Variants in LARP4B observed in about 807,000 individuals in gnomAD.
LARP4B encodes the protein La ribonucleoprotein 4B.
Under a neutral mutation model 89.8 loss-of-function variants are expected in LARP4B, and 12 were observed. The ratio of observed to expected loss-of-function variants is 0.13; its 90% confidence interval spans 0.09 to 0.22. The LOEUF is 0.22. LARP4B is among the 10% of genes least tolerant of loss of function. The pLI, the probability that LARP4B is intolerant of heterozygous loss-of-function variation, is 1.00. For missense variants in LARP4B, 757 were observed against 947.7 expected (o/e 0.80, Z 2.64); for synonymous variants, 367 against 363.3 (o/e 1.01, Z -0.12).
chr10:842,965 T>C lies in LARP4B; in HGVS notation c.613A>G (p.Thr205Ala), dbSNP rs1280184572. The part of the protein sequence containing the change: ...ANLDHIKKLS[T>A]DVDLIVEVLR... Reference sequence around the variant, plus strand: ...ACTTCCACAATCAAGTCCACATCAGTGCTGAGCTTCTTGATGTGGTCGAGG... The same window carrying C: ...ACTTCCACAATCAAGTCCACATCAGCGCTGAGCTTCTTGATGTGGTCGAGG... Residue 205 changes from threonine to alanine, a missense_variant, in exon 7 of 18, where the codon ACT (threonine) becomes GCT (alanine). Around this residue, in one of 5 missense-constraint regions of LARP4B, gnomAD observed 54 missense variants for 96.0 expected, o/e 0.56. Transcript: ENST00000316157. 2 of 1,614,158 alleles carry C rather than the reference T, an allele frequency of 1.2e-6. No individual in the cohort carries two copies. Among genetic ancestry groups the C allele is most frequent in the African/African-American group, 2.7e-5 (2 of 75,068 alleles).
chr10:935,105 T>G (rs1229995950), upstream of LARP4B, among the ~76,000 whole-genome samples: 1 of 152,280 alleles, frequency 6.6e-6, no homozygotes, highest in East Asian at 1.9e-4. Context: ...TCCTAAGACA[T>G]CCTTACCTTC....
At chr10:825,705 C>T (rs766929556) in intron 12 of LARP4B, 59 bp downstream of exon 12, 48 of 1,148,360 alleles carry the variant, frequency 4.2e-5, no homozygotes, top group Non-Finnish European at 5.9e-5. Flanking sequence ...TCTCTCATCC[C>T]AACTCCGGAA....
the LARP4B span, among the ~76,000 whole-genome samples, chr10:968,453 C>T: frequency 3.3e-5 from 5 of 152,198 alleles, no homozygotes; most frequent in South Asian, 4.1e-4. Context: ...CCTCATTCCA[C>T]GGCCTTCCCT....
At chr10:927,543 T>TAA (rs1366407897) in intron 1 of LARP4B, among the ~76,000 whole-genome samples, 5 of 152,174 alleles carry the variant, frequency 3.3e-5, no homozygotes, top group African/African-American at 1.2e-4. Flanking sequence ...TCAACCAGCA[T>TAA]AAGAGCAAAA....
the LARP4B span, among the ~76,000 whole-genome samples, chr10:959,158 G>A: frequency 6.6e-6 from 1 of 152,168 alleles, no homozygotes; most frequent in Non-Finnish European, 1.5e-5. Flanking sequence ...TGTGGTCCCA[G>A]GACACCTTCA....
At position 866,247 on chromosome 10, in the gene LARP4B, C is replaced by A. The variant is rs1446013299; in HGVS notation, c.142-1977G>T. On this transcript the variant is annotated intron_variant, in intron 3 of 17. Transcript: ENST00000316157. ...TGGTGATAGGGCAAATTATTGGGTT[C>A]CTTCAAGAATATTATAATCAAGAAG... Among the ~76,000 whole-genome samples the A allele has an allele frequency of 1.3e-5, 2 of 151,836 alleles. 1 individual carries two copies. The highest frequency in any genetic ancestry group is 6.3e-3 in the Middle Eastern group (2 of 316).
intron 7 of LARP4B, among the ~76,000 whole-genome samples, chr10:837,260 A>C (rs1331686706): frequency 6.6e-6 from 1 of 152,242 alleles, no homozygotes; most frequent in Non-Finnish European, 1.5e-5. Flanking sequence ...TTATATCTTA[A>C]TCTGACAAAA....
At chr10:879,330 C>T (rs867454321) in intron 3 of LARP4B, among the ~76,000 whole-genome samples, 9 of 152,168 alleles carry the variant, frequency 5.9e-5, no homozygotes, top group Non-Finnish European at 8.8e-5. Context: ...GCAAGTTCTC[C>T]GAAGTACCAG....
At chr10:982,871 G>A in the LARP4B span, among the ~76,000 whole-genome samples, 1 of 152,206 alleles carries the variant, frequency 6.6e-6, no homozygotes, top group Non-Finnish European at 1.5e-5. Flanking sequence ...TTATTTGCTG[G>A]GTAGGGATCA....
At chr10:971,206 G>A in the LARP4B span, 1 of 152,102 alleles carries the variant, frequency 6.6e-6, no homozygotes, top group African/African-American at 2.4e-5. Context: ...TATCAAAGCA[G>A]GGAAAAGAAA....
At chr10:972,253 C>T in the LARP4B span, 19 of 340,968 alleles carry the variant, frequency 5.6e-5, no homozygotes, top group African/African-American at 4.1e-4. Flanking sequence ...GTCTTGAACT[C>T]CTGACCTCAG....
At chr10:932,986 G>A (rs1235617671), upstream of LARP4B, 1 of 152,254 alleles carries the variant, frequency 6.6e-6, no homozygotes, top group Non-Finnish European at 1.5e-5. Flanking sequence ...CAACGAGTCA[G>A]ATGCTCTTGG....
intron 2 of LARP4B, 102 bp from the exon 3 acceptor site, chr10:884,608 G>A: frequency 1.4e-6 from 1 of 701,024 alleles, no homozygotes; most frequent in Non-Finnish European, 2.5e-6. Context: ...ACCAAGAAAT[G>A]CACATTTCAC....
At chr10:883,987 A>G (rs2131927746) in intron 3 of LARP4B, among the ~76,000 whole-genome samples, 1 of 152,344 alleles carries the variant, frequency 6.6e-6, no homozygotes, top group East Asian at 1.9e-4. Context: ...TATGCAAATG[A>G]TGAAAGGTAG....
the LARP4B span, among the ~76,000 whole-genome samples, chr10:959,222 G>T: frequency 1.3e-5 from 2 of 152,144 alleles, no homozygotes; most frequent in East Asian, 1.9e-4. Context: ...GGCTGCAGGG[G>T]TGTGGAAATA....
At chr10:881,422 C>T (rs1386019048) in intron 3 of LARP4B, among the ~76,000 whole-genome samples, 3 of 152,246 alleles carry the variant, frequency 2.0e-5, no homozygotes, top group African/African-American at 7.2e-5. Context: ...CACAACTGAC[C>T]CCTCGCTTTG....
chr10:913,216 G>C (rs1836722406), intron 1 of LARP4B, among the ~76,000 whole-genome samples: 1 of 152,126 alleles, frequency 6.6e-6, no homozygotes, highest in Non-Finnish European at 1.5e-5. Flanking sequence ...ATAATTAAGA[G>C]ACTGATAGTC....
At chr10:815,572 C>T (rs1832000363) in intron 15 of LARP4B, 1 of 152,332 alleles carries the variant, frequency 6.6e-6, no homozygotes, top group African/African-American at 2.4e-5. Context: ...ATGCCCCCAT[C>T]TCAACAGGTG....
chr10:922,675 TTAAATAAATAAA>T lies in LARP4B; in HGVS notation c.-40+8741_-40+8752del, dbSNP rs370807617. Among the ~76,000 whole-genome samples the T allele has an allele frequency of 3.7e-3, 541 of 146,280 alleles. 1 individual carries two copies. Among genetic ancestry groups the T allele is most frequent in the African/African-American group, 0.012 (468 of 39,318 alleles). The stretch of plus-strand genomic sequence containing the variant: ...GGGCAACAGAACGAGACCCCGTCTG[TTAAATAAATAAA>T]TAAATAAATAAATAAATAAATAAAT... On this transcript the variant is annotated intron_variant, in intron 1 of 17. Transcript: ENST00000316157.
Sources: allele counts gnomAD v4.1 joint callset (sites outside exome capture counted in the v4.1 genomes callset), GRCh38; gene constraint gnomAD v4.1.1; regional missense constraint gnomAD v4.1.1; transcripts MANE v1.5; gene names NCBI Gene and HGNC (gene_info 2026-07-23, HGNC 2026-07-21).